The following PARP4 variants were observed in gnomAD, a reference collection of about 807,000 sequenced individuals.
The protein encoded by PARP4 is poly(ADP-ribose) polymerase family member 4.
Under a neutral mutation model 187.7 loss-of-function variants are expected in PARP4, and 120 were observed. The ratio of observed to expected loss-of-function variants is 0.64; its 90% CI spans 0.55 to 0.74. PARP4 has a LOEUF of 0.74. PARP4 is among the 30% of genes least tolerant of loss of function. The probability of loss-of-function intolerance (pLI) is 0.00; values close to 1 mark genes in which losing one functional copy is unlikely to be tolerated. For synonymous variants in PARP4, 654 were observed against 740.9 expected (o/e 0.88, Z 1.90); for missense variants, 1,836 against 2,070.5 (o/e 0.89, Z 2.20).
chr13:24,452,546 T>C lies in PARP4; in HGVS notation c.2874A>G (p.Arg958=). The C allele has an allele frequency of 6.2e-7, 1 of 1,614,088 alleles. No individual in the cohort carries two copies. The highest frequency in any genetic ancestry group is 8.5e-7 in the Non-Finnish European group (1 of 1,179,990). The change falls in exon 24 of 34, where the codon CGA becomes CGG. Residue 958 remains arginine (R), a synonymous_variant. Coordinates refer to ENST00000381989, the MANE Select transcript of PARP4 (RefSeq NM_006437.4). ...MGNTDFWKTL[R]YLSLLYPARG... is the part of the protein sequence containing the mutation. The stretch of plus-strand genomic sequence containing the variant: ...GAGCAGGGTACAATAAGCTAAGATA[T>C]CGGAGTGTTTTCCAGAAGTCTGTGT...
chr13:24,509,966 C>A (rs1394840398), intron 1 of PARP4, among the ~76,000 whole-genome samples: 1 of 151,998 alleles, frequency 6.6e-6, no homozygotes, highest in Non-Finnish European at 1.5e-5. Context: ...TCCCAAAGTG[C>A]TAGGATTACA....
In PARP4 at chr13:24,481,590, G is replaced by A. The variant is rs191609018; in HGVS notation, c.1448+3063C>T. Among the ~76,000 whole-genome samples, 422 of 152,322 alleles carry A rather than the reference G, an allele frequency of 2.8e-3. 2 individuals are homozygous for A. The highest frequency in any genetic ancestry group is 0.027 in the Middle Eastern group (8 of 294). The stretch of plus-strand genomic sequence containing the variant: ...CGCCTGTAATCCCAGCTACTCAAGA[G>A]GCTGAGACAGAAGAATCGCTTGAAC... On this transcript the variant is annotated intron_variant, in intron 12 of 33. Coordinates refer to ENST00000381989, the MANE Select transcript of PARP4 (RefSeq NM_006437.4).
intron 4 of PARP4, among the ~76,000 whole-genome samples, chr13:24,499,733 C>T (rs1177185314): frequency 6.6e-6 from 1 of 152,174 alleles, no homozygotes; most frequent in Non-Finnish European, 1.5e-5. Context: ...GAAGCTATGT[C>T]ACTCCTCTCC....
chr13:24,459,928 T>G, intron 18 of PARP4, 44 bp downstream of exon 18: 1 of 1,572,666 alleles, frequency 6.4e-7, no homozygotes, highest in Non-Finnish European at 8.7e-7. Context: ...CCACTCCCCC[T>G]CCACTGCTGC....
Position 24,493,599 on chromosome 13 carries a change from G to A in PARP4, c.876C>T (p.Asn292=), listed in dbSNP as rs760483673. The change falls in exon 8 of 34, where the codon AAC becomes AAT. Residue 292 remains asparagine, a synonymous_variant. Coordinates refer to ENST00000381989, the MANE Select transcript of PARP4 (RefSeq NM_006437.4). ...TTTCAGCGACACACCAACTTACATC[G>A]TTGAGGCTAATCCTGTTCACTGGCT... ...LLKPVNRISL[N]DVSKAEGILL... 90 of 1,599,770 alleles carry A rather than the reference G, an allele frequency of 5.6e-5. No homozygotes were observed. Among genetic ancestry groups the A allele is most frequent in the South Asian group, 4.0e-4 (35 of 88,446 alleles).
intron 33 of PARP4, among the ~76,000 whole-genome samples, chr13:24,422,079 C>T (rs1212991979): frequency 6.6e-6 from 1 of 152,046 alleles, no homozygotes; most frequent in Non-Finnish European, 1.5e-5. Flanking sequence ...GGGAAAGGGC[C>T]GTCAGTATAG....
chr13:24,428,488 A>G lies in PARP4; in HGVS notation c.4847-1890T>C, dbSNP rs539946913. Among the ~76,000 whole-genome samples the G allele has an allele frequency of 2.6e-5, 4 of 152,194 alleles. No individual in the cohort carries two copies. The South Asian group carries it at 8.3e-4, about 32-fold the overall frequency. ...ATGAGCTCCAGCCTCACTTGACAAT[A>G]TATTTATCTTGAATTTTTATCTCAC... is the stretch of plus-strand genomic sequence containing the variant. On this transcript the variant is annotated intron_variant, in intron 32 of 33. Coordinates refer to ENST00000381989, the MANE Select transcript of PARP4 (RefSeq NM_006437.4).
At chr13:24,442,105 C>A in intron 29 of PARP4, 137 bp from the exon 30 acceptor site, 2 of 1,047,452 alleles carry the variant, frequency 1.9e-6, no homozygotes, top group East Asian at 2.9e-5. Context: ...GGGCCACAAG[C>A]GTGAGGGGAA....
chr13:24,421,021 A>G lies in PARP4; in HGVS notation c.*98T>C. The G allele has an allele frequency of 6.8e-7, 1 of 1,480,496 alleles. No individual in the cohort carries two copies. The highest frequency in any genetic ancestry group is 9.0e-7 in the Non-Finnish European group (1 of 1,107,932). The allele number at this position is 1,480,496 out of a possible 1,614,324, so 91.7% of individuals were successfully genotyped here. On this transcript the variant is annotated 3_prime_UTR_variant, in exon 34 of 34. Coordinates refer to ENST00000381989, the MANE Select transcript of PARP4 (RefSeq NM_006437.4). ...TTAAAGACAGTAATTGCTACACTGA[A>G]TGAAACCTTAATGAAGTTTCATTAT...
chr13:24,482,549 T>C (rs60860296), intron 12 of PARP4, among the ~76,000 whole-genome samples: 1,641 of 152,312 alleles, frequency 0.011, 38 homozygotes, highest in African/African-American at 0.036. Context: ...GCCATAGACA[T>C]TGACACGAGA....
chr13:24,494,776 T>C, intron 6 of PARP4, 54 bp from the exon 7 acceptor site: 1 of 1,283,100 alleles, frequency 7.8e-7, no homozygotes, highest in Non-Finnish European at 1.1e-6. Flanking sequence ...TATCTAGCTT[T>C]ATTGAACATA....
At chr13:24,490,161 T>G (rs566693667) in intron 10 of PARP4, among the ~76,000 whole-genome samples, 1 of 152,292 alleles carries the variant, frequency 6.6e-6, no homozygotes, top group African/African-American at 2.4e-5. Context: ...CAAGGGCTCA[T>G]CTGAGCAGGT....
At chr13:24,457,156 T>C (rs1434788319) in intron 20 of PARP4, among the ~76,000 whole-genome samples, 1 of 152,054 alleles carries the variant, frequency 6.6e-6, no homozygotes, top group East Asian at 1.9e-4. Context: ...ACAGAAATCT[T>C]AGAATCATAA....
At chr13:24,493,819 G>T in intron 7 of PARP4, 86 bp from the exon 8 acceptor site, 1 of 1,334,274 alleles carries the variant, frequency 7.5e-7, no homozygotes, top group Non-Finnish European at 1.1e-6. Flanking sequence ...ACAGAGGTGT[G>T]AGGAGAAATA....
At chr13:24,482,659 T>A (rs1276311573) in intron 12 of PARP4, among the ~76,000 whole-genome samples, 1 of 149,022 alleles carries the variant, frequency 6.7e-6, no homozygotes, top group African/African-American at 2.6e-5. Flanking sequence ...GTACATTGTT[T>A]TTTTTTTAAA....
chr13:24,428,135 C>CT (rs1188705625), intron 32 of PARP4, among the ~76,000 whole-genome samples: 2 of 152,174 alleles, frequency 1.3e-5, no homozygotes, highest in African/African-American at 4.8e-5. Context: ...AAAGCACACG[C>CT]TTACAGAAAA....
intron 16 of PARP4, among the ~76,000 whole-genome samples, chr13:24,469,645 T>TGC (rs1455044488): frequency 6.6e-6 from 1 of 152,168 alleles, no homozygotes; most frequent in Non-Finnish European, 1.5e-5. Flanking sequence ...ACTCTTACGG[T>TGC]GCCAAGGCAA....
chr13:24,421,591 T>C (rs1353200064), intron 33 of PARP4, among the ~76,000 whole-genome samples: 1 of 152,282 alleles, frequency 6.6e-6, no homozygotes, highest in East Asian at 1.9e-4. Flanking sequence ...CCAGCCGCTC[T>C]ACAGTTGTTT....
intron 17 of PARP4, among the ~76,000 whole-genome samples, chr13:24,463,775 T>C (rs892094853): frequency 1.3e-5 from 2 of 152,052 alleles, no homozygotes; most frequent in African/African-American, 2.4e-5. Flanking sequence ...CTATTCAATA[T>C]AGTATTGGAA....
Sources: gnomAD v4.1 joint callset for allele counts (sites outside exome capture counted in the v4.1 genomes callset) on GRCh38, gnomAD v4.1.1 for gene constraint, MANE v1.5 for transcripts, NCBI Gene and HGNC (gene_info 2026-07-23, HGNC 2026-07-21) for gene names.